SRRM4: variants seen among roughly 807,000 people sequenced by gnomAD.
SRRM4 encodes the protein serine/arginine repetitive matrix 4.
Under a neutral mutation model 68.9 loss-of-function variants are expected in SRRM4, and 33 were observed. The ratio of observed to expected loss-of-function variants is 0.48; its 90% CI spans 0.36 to 0.64. SRRM4 has a LOEUF of 0.64. Among genes scored for constraint, SRRM4 ranks in the 30% least tolerant of loss-of-function variants. The pLI is 0.00. For missense variants in SRRM4, 817 were observed against 827.1 expected (o/e 0.99, Z 0.15); for synonymous variants, 318 against 318.8 (o/e 1.00, Z 0.03).
At chr12:119,112,353 G>T (rs113509305) in intron 2 of SRRM4, among the ~76,000 whole-genome samples, 1,928 of 152,292 alleles carry the variant, frequency 0.013, 32 homozygotes, top group East Asian at 0.099. Flanking sequence ...CTATTAGTGG[G>T]AATGTAAATT....
At chr12:119,071,480 T>C (rs1953877424) in intron 1 of SRRM4, among the ~76,000 whole-genome samples, 1 of 152,196 alleles carries the variant, frequency 6.6e-6, no homozygotes, top group Non-Finnish European at 1.5e-5. Context: ...GCCATCATTG[T>C]AATTTGTTTG....
At chr12:119,123,466 G>C (rs1336722913) in intron 6 of SRRM4, among the ~76,000 whole-genome samples, 1 of 150,336 alleles carries the variant, frequency 6.7e-6, no homozygotes, top group South Asian at 2.2e-4. Context: ...CAGCCACAGA[G>C]TCAGGGGGTA....
intron 1 of SRRM4, among the ~76,000 whole-genome samples, chr12:119,016,765 A>G (rs1255404005): frequency 6.6e-6 from 1 of 152,138 alleles, no homozygotes; most frequent in African/African-American, 2.4e-5. Context: ...GCTTATTGGT[A>G]GTTTTCATTT....
intron 1 of SRRM4, among the ~76,000 whole-genome samples, chr12:119,021,882 A>G (rs1386950067): frequency 3.3e-5 from 5 of 152,234 alleles, no homozygotes; most frequent in Admixed American, 3.3e-4. Context: ...TAGTGCTGCA[A>G]TAAACATACA....
At chr12:119,144,367 G>T (rs903323745) in intron 8 of SRRM4, among the ~76,000 whole-genome samples, 3 of 152,106 alleles carry the variant, frequency 2.0e-5, no homozygotes, top group African/African-American at 7.2e-5. Context: ...AACCAAAACA[G>T]AATTGATGCC....
intron 1 of SRRM4, among the ~76,000 whole-genome samples, chr12:119,070,817 A>G (rs915654147): frequency 1.3e-5 from 2 of 152,144 alleles, no homozygotes; most frequent in Admixed American, 6.5e-5. Context: ...CTTCCCTGAC[A>G]CCTGGAATGA....
chr12:119,087,484 T>C (rs1045672711), intron 1 of SRRM4, among the ~76,000 whole-genome samples: 1 of 152,288 alleles, frequency 6.6e-6, no homozygotes, highest in Admixed American at 6.5e-5. Flanking sequence ...TTTATTGGAA[T>C]GAGAAATGAA....
intron 1 of SRRM4, among the ~76,000 whole-genome samples, chr12:119,043,402 G>C (rs1216752560): frequency 6.6e-6 from 1 of 152,148 alleles, no homozygotes; most frequent in African/African-American, 2.4e-5. Context: ...CTGTTGGGGA[G>C]GGGGAGGGAG....
chr12:119,105,728 G>T (rs1954103735), intron 2 of SRRM4, among the ~76,000 whole-genome samples: 1 of 152,162 alleles, frequency 6.6e-6, no homozygotes, highest in South Asian at 2.1e-4. Context: ...TTAGCCCTTT[G>T]TCAGATAGGT....
chr12:119,137,624 G>C (rs991163673), intron 8 of SRRM4, among the ~76,000 whole-genome samples: 10 of 117,998 alleles, frequency 8.5e-5, no homozygotes, highest in Non-Finnish European at 1.8e-4. Context: ...GAGAGAGAGA[G>C]AGAGAGAGAG....
At position 119,076,715 on chromosome 12, in the gene SRRM4, G is replaced by A. The variant is rs1008196321; in HGVS notation, c.132-25521G>A. Among the ~76,000 whole-genome samples, 20 of 152,272 alleles carry A rather than the reference G, an allele frequency of 1.3e-4. 1 individual carries two copies. The highest frequency in any genetic ancestry group is 6.2e-4 in the South Asian group (3 of 4,816). On this transcript the variant is annotated intron_variant, in intron 1 of 12. Transcript: ENST00000267260. ...AAGGAAGTGCAAGAGTACAGCTGGC[G>A]CTTTGCTGATTCAGAGGAACCGCTC...
chr12:119,122,292 C>A (rs10849628), intron 6 of SRRM4, among the ~76,000 whole-genome samples, 172 bp downstream of exon 6: 8,433 of 68,786 alleles, frequency 0.12, 501 homozygotes, highest in Non-Finnish European at 0.14. Context: ...GGCAGGAAGG[C>A]AGGAAGGAAG....
rs55907957 is a variant in SRRM4 at position 119,160,289 on chromosome 12, GTCTCTCTCTCTCTCTCTC to G, written c.*3508_*3525del. On this transcript the variant is annotated 3_prime_UTR_variant, in exon 13 of 13. Coordinates refer to ENST00000267260, the MANE Select transcript of SRRM4 (RefSeq NM_194286.4). ...TGTCTCTCTCTCTGTCTCTCTCTCT[GTCTCTCTCTCTCTCTCTC>G]TCTCTCTCTCTCTCTCAGTGTATTT... is the stretch of plus-strand genomic sequence containing the variant. The G allele has an allele frequency of 4.2e-5, 6 of 143,160 alleles. No individual in the cohort carries two copies. Among genetic ancestry groups the G allele is most frequent in the African/African-American group, 1.0e-4 (4 of 38,204 alleles). The allele number at this position is 143,160 out of a possible 1,614,324, so 8.9% of individuals were successfully genotyped here. A position where few individuals can be genotyped will look rare whatever the true frequency, so the allele number is the denominator to read the frequency against.
chr12:119,071,811 G>A (rs1298112916), intron 1 of SRRM4, among the ~76,000 whole-genome samples: 1 of 152,174 alleles, frequency 6.6e-6, no homozygotes, highest in Non-Finnish European at 1.5e-5. Context: ...TTCAACAAAG[G>A]TCTTGGCACA....
chr12:119,061,823 C>T (rs949349727), intron 1 of SRRM4, among the ~76,000 whole-genome samples: 9 of 151,928 alleles, frequency 5.9e-5, no homozygotes, highest in African/African-American at 2.2e-4. Context: ...CTTCCCTGGC[C>T]TCGACACACT....
chr12:119,075,924 T>A (rs200015598), intron 1 of SRRM4, among the ~76,000 whole-genome samples: 15 of 93,594 alleles, frequency 1.6e-4, no homozygotes, highest in African/African-American at 4.0e-4. Context: ...ATGATGATGA[T>A]GGTGGTGATG....
At chr12:119,006,583 C>T (rs545055079) in intron 1 of SRRM4, among the ~76,000 whole-genome samples, 2 of 152,274 alleles carry the variant, frequency 1.3e-5, no homozygotes, top group Non-Finnish European at 2.9e-5. Context: ...CCTCCTGGCT[C>T]CTCACTTTCT....
chr12:119,055,223 G>A (rs777748429), intron 1 of SRRM4, among the ~76,000 whole-genome samples: 6 of 152,048 alleles, frequency 3.9e-5, no homozygotes, highest in East Asian at 1.9e-4. Flanking sequence ...CTGGAGTTTC[G>A]TCACTTCTCT....
chr12:119,087,386 A>G (rs1249340835), intron 1 of SRRM4, among the ~76,000 whole-genome samples: 3 of 152,224 alleles, frequency 2.0e-5, no homozygotes, highest in African/African-American at 7.2e-5. Flanking sequence ...AAGGAGGAAA[A>G]AGGAGTGGAA....
Sources: allele counts gnomAD v4.1 joint callset (sites outside exome capture counted in the v4.1 genomes callset), GRCh38; gene constraint gnomAD v4.1.1; transcripts MANE v1.5; gene names NCBI Gene and HGNC (gene_info 2026-07-23, HGNC 2026-07-21).